The following GUCA2B variants were observed in gnomAD, a reference collection of about 807,000 sequenced individuals.
The protein encoded by GUCA2B is prepro-uroguanylin.
Under a neutral mutation model 11.1 loss-of-function variants are expected in GUCA2B, and 7 were observed. The observed-to-expected ratio is 0.63, with a 90% CI of 0.36 to 1.18. The LOEUF is 1.18. Ranked by LOEUF, GUCA2B falls within the 50% of genes most tolerant of loss-of-function variation. The pLI is 0.02. For synonymous variants in GUCA2B, 69 were observed against 65.3 expected (o/e 1.06, Z -0.27); for missense variants, 140 against 142.5 (o/e 0.98, Z 0.09).
chr1:42,153,525 G>A lies in GUCA2B; in HGVS notation c.75G>A (p.Gln25=). 1.9e-6 allele frequency: 3 copies of A among 1,611,786 alleles called. No homozygotes were observed. Among genetic ancestry groups the A allele is most frequent in the African/African-American group, 1.3e-5 (1 of 75,020 alleles). Residue 25 remains glutamine, a synonymous_variant, in exon 1 of 3, where the codon CAG becomes CAA. Transcript: ENST00000372581. ...VVLLLLLQST[Q]SVYIQYQGFR... Reference sequence around the variant, plus strand: ...TCCTGCTGCTGCTGCAGAGCACACAGTCAGTCTACATCCAGGTGAGTCCCT... The same window carrying A: ...TCCTGCTGCTGCTGCAGAGCACACAATCAGTCTACATCCAGGTGAGTCCCT...
At chr1:42,155,474 C>T in intron 2 of GUCA2B, 61 bp from the exon 3 acceptor site, 1 of 1,360,668 alleles carries the variant, frequency 7.3e-7, no homozygotes, top group Middle Eastern at 1.8e-4. Flanking sequence ...CAGACCTCTT[C>T]TGCTGCCTGG....
rs928491461 is a variant in GUCA2B at position 42,154,852 on chromosome 1, T to C, written c.263T>C (p.Ile88Thr). 6 of 1,612,368 alleles carry C rather than the reference T, an allele frequency of 3.7e-6. No homozygotes were observed. Among genetic ancestry groups the C allele is most frequent in the Non-Finnish European group, 5.1e-6 (6 of 1,179,022 alleles). ...TGCGCCTCGCAGGAGGCTTCCAGCA[T>C]CTTCAAGACCCTGAGTAAGTGCCCC... The part of the protein sequence containing the change: ...PVCASQEASS[I>T]FKTLRTIAND... The change falls in exon 2 of 3, where the codon ATC (isoleucine) becomes ACC (threonine). Residue 88 changes from isoleucine (I) to threonine (T), a missense_variant. By Grantham distance (89) the Ile-to-Thr change is moderately conservative. Coordinates refer to ENST00000372581, the MANE Select transcript of GUCA2B (RefSeq NM_007102.3).
At chr1:42,153,611 A>G in intron 1 of GUCA2B, 71 bp downstream of exon 1, 2 of 1,153,412 alleles carry the variant, frequency 1.7e-6, no homozygotes, top group South Asian at 2.6e-5. Flanking sequence ...GAGAGGGTGT[A>G]CTGGGAATTC....
chr1:42,155,800 C>T lies in GUCA2B; in HGVS notation c.*204C>T. 1.6e-6 allele frequency: 1 copy of T among 614,328 alleles called. No individual in the cohort carries two copies. 38.1% of individuals were successfully genotyped at this position (614,328 alleles called of 1,614,324 possible). On this transcript the variant is annotated 3_prime_UTR_variant, in exon 3 of 3. Coordinates refer to ENST00000372581, the MANE Select transcript of GUCA2B (RefSeq NM_007102.3). ...GGAGGCCCCTGAGGCAGCCCAGCTCCTGAATAAAGATTCTACAACACACGA... is the reference window on the plus strand; with the variant it reads ...GGAGGCCCCTGAGGCAGCCCAGCTCTTGAATAAAGATTCTACAACACACGA...
At position 42,155,107 on chromosome 1, in the gene GUCA2B, G is replaced by C. The variant is rs868071466; in HGVS notation, c.277+241G>C. Among the ~76,000 whole-genome samples, 4 of 152,224 alleles carry C rather than the reference G, an allele frequency of 2.6e-5. No individual in the cohort carries two copies. The South Asian group carries it at 8.3e-4, about 32-fold the overall frequency. On this transcript the variant is annotated intron_variant, in intron 2 of 2. Transcript: ENST00000372581. ...AGACCCATCAACAGACAATGGCTGC[G>C]TGGAGCAGAGAGGAGAGCTGGCTGA...
chr1:42,153,840 C>T (rs1281208083), intron 1 of GUCA2B, among the ~76,000 whole-genome samples: 1 of 152,038 alleles, frequency 6.6e-6, no homozygotes, highest in African/African-American at 2.4e-5. Context: ...TGGGAGGAGG[C>T]CAGAAAGGGA....
intron 1 of GUCA2B, 94 bp downstream of exon 1, chr1:42,153,634 G>T: frequency 1.1e-6 from 1 of 875,124 alleles, no homozygotes; most frequent in Non-Finnish European, 1.8e-6. Context: ...AGGGGCACCG[G>T]GGGAGCACGG....
intron 1 of GUCA2B, 94 bp downstream of exon 1, chr1:42,153,634 G>A (rs148552216): frequency 5.7e-6 from 5 of 875,128 alleles, no homozygotes; most frequent in Non-Finnish European, 9.0e-6. Context: ...AGGGGCACCG[G>A]GGGAGCACGG....
At chr1:42,154,083 G>A (rs1186507681) in intron 1 of GUCA2B, among the ~76,000 whole-genome samples, 1 of 152,216 alleles carries the variant, frequency 6.6e-6, no homozygotes. Context: ...AGGGGGCATG[G>A]GAGAGTGGCA....
chr1:42,155,590 C>T lies in GUCA2B; in HGVS notation c.333C>T (p.Cys111=). ...GTGTGAACGTTGCGTGTACCGGCTGCCTCTGAGATAGCCCTGGGTACCCTG... is the reference window on the plus strand; with the variant it reads ...GTGTGAACGTTGCGTGTACCGGCTGTCTCTGAGATAGCCCTGGGTACCCTG... ...ELCVNVACTG[C]L The change falls in exon 3 of 3, where the codon TGC becomes TGT. Residue 111 remains cysteine (C), a synonymous_variant. Coordinates refer to ENST00000372581, the MANE Select transcript of GUCA2B (RefSeq NM_007102.3). The T allele has an allele frequency of 6.2e-7, 1 of 1,612,494 alleles. No individual in the cohort carries two copies. The highest frequency in any genetic ancestry group is 8.5e-7 in the Non-Finnish European group (1 of 1,178,438).
rs192281015 is a variant in GUCA2B, at chr1:42,155,176, T to C, written c.277+310T>C. Among the ~76,000 whole-genome samples, 105 of 152,108 alleles carry C rather than the reference T, an allele frequency of 6.9e-4. No homozygotes were observed. The South Asian group carries it at 0.011, about 16-fold the overall frequency. ...GGTGTGAAAGGCTTCCAAGAGGAGGTGTCAGCCAAGCTGAAACCTGAGGGA... is the reference window on the plus strand; with the variant it reads ...GGTGTGAAAGGCTTCCAAGAGGAGGCGTCAGCCAAGCTGAAACCTGAGGGA... On this transcript the variant is annotated intron_variant, in intron 2 of 2. Coordinates refer to ENST00000372581, the MANE Select transcript of GUCA2B (RefSeq NM_007102.3).
rs1646100327 is a variant in GUCA2B, at chr1:42,154,754, C to T, written c.165C>T (p.Pro55=). ...TGGAGGCACAGTGGGCACCCAGCCC[C>T]CGCCTGCAGGCCCAGAGCCTCCTGC... ...SDLEAQWAPS[P]RLQAQSLLPA... is the part of the protein sequence containing the mutation. Residue 55 remains proline (P), a synonymous_variant, in exon 2 of 3, where the codon CCC becomes CCT. Transcript: ENST00000372581. The T allele has an allele frequency of 6.2e-7, 1 of 1,613,856 alleles. No individual in the cohort carries two copies. The highest frequency in any genetic ancestry group is 8.5e-7 in the Non-Finnish European group (1 of 1,179,824).
chr1:42,154,109 G>A (rs565127510), intron 1 of GUCA2B, among the ~76,000 whole-genome samples: 1 of 152,316 alleles, frequency 6.6e-6, no homozygotes, highest in South Asian at 2.1e-4. Context: ...CGTCACAGCA[G>A]GGCCTGTCTG....
At chr1:42,153,584 G>T (rs144799893) in intron 1 of GUCA2B, 44 bp downstream of exon 1, 4 of 1,378,784 alleles carry the variant, frequency 2.9e-6, no homozygotes, top group Admixed American at 1.7e-5. Flanking sequence ...AGGGCCCCAT[G>T]GTGGGAGGCT....
At chr1:42,154,093 A>G (rs1238623864) in intron 1 of GUCA2B, among the ~76,000 whole-genome samples, 1 of 152,214 alleles carries the variant, frequency 6.6e-6, no homozygotes, top group Admixed American at 6.5e-5. Flanking sequence ...GGAGAGTGGC[A>G]GTAGTCGTCA....
At chr1:42,154,610 G>A (rs1569689845) in intron 1 of GUCA2B, 70 bp from the exon 2 acceptor site, 1 of 1,293,474 alleles carries the variant, frequency 7.7e-7, no homozygotes, top group East Asian at 2.3e-5. Context: ...GAGCAACCCT[G>A]GGTGTCATGG....
chr1:42,154,648 AC>A (rs774790020), intron 1 of GUCA2B, 31 bp from the exon 2 acceptor site: 6 of 1,591,890 alleles, frequency 3.8e-6, no homozygotes, highest in Non-Finnish European at 2.6e-6. Context: ...CCAGGTCTTG[AC>A]CTGCTCCTAT....
rs1646106338 is a variant in GUCA2B at position 42,155,706 on chromosome 1, T to C, written c.*110T>C. The C allele has an allele frequency of 2.4e-6, 2 of 840,664 alleles. No homozygotes were observed. Among genetic ancestry groups the C allele is most frequent in the Non-Finnish European group, 4.1e-6 (2 of 482,774 alleles). The allele number at this position is 840,664 out of a possible 1,614,324, so 52.1% of individuals were successfully genotyped here. ...CAAGATGGGTCCCTGGCCACCATGG[T>C]CATCACCACCCTTCCAGGGCCTGAG... On this transcript the variant is annotated 3_prime_UTR_variant, in exon 3 of 3. Transcript: ENST00000372581.
intron 1 of GUCA2B, 105 bp downstream of exon 1, chr1:42,153,645 G>A: frequency 2.5e-6 from 2 of 801,998 alleles, no homozygotes; most frequent in East Asian, 2.7e-5. Flanking sequence ...GGGAGCACGG[G>A]GCCCGGGGCT....
Sources: allele counts gnomAD v4.1 joint callset (sites outside exome capture counted in the v4.1 genomes callset), GRCh38; gene constraint gnomAD v4.1.1; transcripts MANE v1.5; gene names NCBI Gene and HGNC (gene_info 2026-07-23, HGNC 2026-07-21).